Variants in CDH10 observed in about 807,000 individuals in gnomAD.
The protein encoded by CDH10 is cadherin-10.
In CDH10, 30 loss-of-function variants were observed where a neutral mutation model predicts 73.1. The observed-to-expected ratio is 0.41, with a 90% CI of 0.31 to 0.56. The LOEUF is 0.56. CDH10 is among the 20% of genes least tolerant of loss of function. CDH10 has a pLI of 0.27. For synonymous variants in CDH10, 345 were observed against 348.2 expected (o/e 0.99, Z 0.10); for missense variants, 815 against 973.7 (o/e 0.84, Z 2.17).
chr5:24,617,497 T>C (rs1747165264), intron 1 of CDH10, among the ~76,000 whole-genome samples: 1 of 152,158 alleles, frequency 6.6e-6, no homozygotes, highest in Admixed American at 6.5e-5. Flanking sequence ...AGTTGACTAT[T>C]TGAAAAAGAA....
chr5:24,600,056 A>AT (rs149246550), intron 1 of CDH10, among the ~76,000 whole-genome samples: 4 of 152,034 alleles, frequency 2.6e-5, no homozygotes, highest in African/African-American at 9.7e-5. Flanking sequence ...TTAATTCTTT[A>AT]TTTTTTCAAA....
chr5:24,631,425 A>G (rs138247860), intron 1 of CDH10, among the ~76,000 whole-genome samples: 51 of 152,048 alleles, frequency 3.4e-4, no homozygotes, highest in African/African-American at 1.1e-3. Flanking sequence ...AATTGTGGGG[A>G]AAAAATCAAT....
intron 2 of CDH10, among the ~76,000 whole-genome samples, chr5:24,550,226 A>G (rs1330182774): frequency 6.6e-6 from 1 of 152,228 alleles, no homozygotes; most frequent in Non-Finnish European, 1.5e-5. Context: ...CCAGTGTGTG[A>G]AAATACATTG....
intron 2 of CDH10, among the ~76,000 whole-genome samples, chr5:24,546,234 CA>C (rs562159519): frequency 1.3e-3 from 201 of 151,910 alleles, no homozygotes; most frequent in Non-Finnish European, 1.4e-3. Flanking sequence ...AACACAGTAT[CA>C]GGGGGTACAA....
At chr5:24,490,260 T>G (rs546221872) in intron 11 of CDH10, among the ~76,000 whole-genome samples, 1 of 152,210 alleles carries the variant, frequency 6.6e-6, no homozygotes, top group Admixed American at 6.5e-5. Context: ...TCAACTATTG[T>G]AAAGCACATT....
At chr5:24,603,820 C>T (rs1473616755) in intron 1 of CDH10, among the ~76,000 whole-genome samples, 1 of 151,870 alleles carries the variant, frequency 6.6e-6, no homozygotes, top group Admixed American at 6.6e-5. Flanking sequence ...GTTGTCCTAG[C>T]CAAAGCAGTG....
At chr5:24,550,257 C>T (rs1036381511) in intron 2 of CDH10, among the ~76,000 whole-genome samples, 1 of 152,078 alleles carries the variant, frequency 6.6e-6, no homozygotes, top group African/African-American at 2.4e-5. Flanking sequence ...TTTTGACATG[C>T]ATATTTTTCA....
chr5:24,574,624 A>G (rs1190287405), intron 2 of CDH10, among the ~76,000 whole-genome samples: 2 of 139,454 alleles, frequency 1.4e-5, no homozygotes, highest in African/African-American at 4.9e-5. Context: ...GACATATTGA[A>G]TAATGTGGAT....
At chr5:24,578,220 C>A in intron 2 of CDH10, 1 of 174,508 alleles carries the variant, frequency 5.7e-6, no homozygotes, top group Non-Finnish European at 1.3e-5. Context: ...ATGGTTTTCA[C>A]AAGCTTTATT....
At chr5:24,499,893 G>A (rs1341943819) in intron 8 of CDH10, among the ~76,000 whole-genome samples, 2 of 152,080 alleles carry the variant, frequency 1.3e-5, no homozygotes, top group Non-Finnish European at 2.9e-5. Context: ...CAGATTTTAT[G>A]ATATCAATAT....
In CDH10 at chr5:24,608,018, A is replaced by T. The variant is rs185574066; in HGVS notation, c.-123-14405T>A. 9.7e-4 allele frequency among the ~76,000 whole-genome samples: 148 copies of T among 152,322 alleles called. 1 individual carries two copies. The highest frequency in any genetic ancestry group is 3.4e-3 in the Middle Eastern group (1 of 294). Reference sequence around the variant, plus strand: ...TCAAATCCTCATTCTTTGCTACTGAAATATCCTTGGCTAGAAATATTAATC... The same window carrying T: ...TCAAATCCTCATTCTTTGCTACTGATATATCCTTGGCTAGAAATATTAATC... On this transcript the variant is annotated intron_variant, in intron 1 of 11. Transcript: ENST00000264463.
intron 2 of CDH10, among the ~76,000 whole-genome samples, chr5:24,580,847 C>A (rs1035820821): frequency 2.0e-5 from 3 of 152,180 alleles, no homozygotes; most frequent in Admixed American, 6.5e-5. Context: ...TGTCTGCATT[C>A]TGTGGCTTGT....
At chr5:24,642,666 A>T (rs1748091067) in intron 1 of CDH10, among the ~76,000 whole-genome samples, 1 of 152,164 alleles carries the variant, frequency 6.6e-6, no homozygotes, top group South Asian at 2.1e-4. Flanking sequence ...GTTTCTATAA[A>T]CATCAAGGAA....
intron 2 of CDH10, among the ~76,000 whole-genome samples, chr5:24,586,810 T>C (rs1466382679): frequency 6.7e-6 from 1 of 148,958 alleles, no homozygotes; most frequent in Non-Finnish European, 1.5e-5. Flanking sequence ...ATAACAATAA[T>C]AATAATAGTA....
chr5:24,596,443 A>G (rs907035395), intron 1 of CDH10, among the ~76,000 whole-genome samples: 3 of 151,772 alleles, frequency 2.0e-5, no homozygotes, highest in African/African-American at 7.3e-5. Flanking sequence ...TACAATAACT[A>G]CTAACGGCCG....
At chr5:24,583,561 G>T (rs939768592) in intron 2 of CDH10, among the ~76,000 whole-genome samples, 1 of 152,124 alleles carries the variant, frequency 6.6e-6, no homozygotes, top group Non-Finnish European at 1.5e-5. Context: ...AAAAAAATCT[G>T]CTAATTTATT....
At chr5:24,558,614 A>G (rs1205214534) in intron 2 of CDH10, among the ~76,000 whole-genome samples, 1 of 151,808 alleles carries the variant, frequency 6.6e-6, no homozygotes, top group Non-Finnish European at 1.5e-5. Context: ...ATATAATAAA[A>G]TACACATCAA....
At chr5:24,534,311 G>T (rs574354189) in intron 5 of CDH10, among the ~76,000 whole-genome samples, 239 of 151,508 alleles carry the variant, frequency 1.6e-3, no homozygotes, top group Admixed American at 6.4e-3. Context: ...ATTTTTTTTT[G>T]TGTCACATTT....
At chr5:24,559,799 G>A (rs892451061) in intron 2 of CDH10, among the ~76,000 whole-genome samples, 6 of 152,024 alleles carry the variant, frequency 3.9e-5, no homozygotes, top group South Asian at 2.1e-4. Flanking sequence ...TCAAAAATGC[G>A]AAGTGAACAT....
Sources: gnomAD v4.1 joint callset for allele counts (sites outside exome capture counted in the v4.1 genomes callset) on GRCh38, gnomAD v4.1.1 for gene constraint, MANE v1.5 for transcripts, NCBI Gene and HGNC (gene_info 2026-07-23, HGNC 2026-07-21) for gene names.